The following NCAPD3 variants were observed in gnomAD, a reference collection of about 807,000 sequenced individuals.
NCAPD3 encodes the protein non-SMC condensin II complex subunit D3.
A neutral mutation model predicts 182.9 loss-of-function variants in NCAPD3; 105 were observed. The ratio of observed to expected loss-of-function variants is 0.57; its 90% CI spans 0.49 to 0.68. The LOEUF (loss-of-function observed/expected upper bound fraction) is 0.68, where lower values mean the gene tolerates loss of function less well. NCAPD3 is among the 30% of genes least tolerant of loss of function. The pLI is 0.00. For synonymous variants in NCAPD3, 815 were observed against 679.9 expected, an observed-to-expected ratio of 1.20 and a Z score of -3.09; for missense variants, 1,944 against 1,837.0, an observed-to-expected ratio of 1.06 and a Z score of -1.07.
chr11:134,166,486 TGGG>T (rs374326112), intron 27 of NCAPD3, among the ~76,000 whole-genome samples: 20 of 2,988 alleles, frequency 6.7e-3, no homozygotes, highest in East Asian at 0.017. Flanking sequence ...GAGATGAGCT[TGGG>T]GGAGGGGCAC....
chr11:134,178,940 C>T lies in NCAPD3; in HGVS notation c.2560-4G>A. The T allele has an allele frequency of 1.2e-6, 2 of 1,600,884 alleles. No homozygotes were observed. Among genetic ancestry groups the T allele is most frequent in the Non-Finnish European group, 8.6e-7 (1 of 1,168,290 alleles). On this transcript the variant is annotated splice_polypyrimidine_tract_variant and splice_region_variant and intron_variant, in intron 20 of 34. Transcript: ENST00000534548. ...CTAAGGTAAAAATGTACTTCACCTA[C>T]AAAGATAATTGGTTTTACAGTAAAA...
intron 27 of NCAPD3, among the ~76,000 whole-genome samples, chr11:134,165,027 T>A (rs1002636539): frequency 4.0e-5 from 6 of 149,850 alleles, no homozygotes; most frequent in Admixed American, 3.3e-4. Flanking sequence ...ACTTGTGAGA[T>A]GAGCTTAGAG....
At chr11:134,167,922 C>A in intron 27 of NCAPD3, 74 bp downstream of exon 27, 2 of 1,393,896 alleles carry the variant, frequency 1.4e-6, no homozygotes, top group South Asian at 2.5e-5. Flanking sequence ...GGGAGGTGCA[C>A]ACTCGTGAGA....
intron 29 of NCAPD3, among the ~76,000 whole-genome samples, chr11:134,159,680 C>G (rs1054209100): frequency 6.6e-6 from 1 of 152,256 alleles, no homozygotes; most frequent in South Asian, 2.1e-4. Context: ...TCGCTTCCTG[C>G]ACCACGTCCT....
rs754641836 is a variant in NCAPD3, at chr11:134,168,210, G to C, written c.3374-15C>G. The C allele has an allele frequency of 4.3e-6, 7 of 1,611,052 alleles. No individual in the cohort carries two copies. In the South Asian group the frequency reaches 7.7e-5, roughly 18 times the overall value. On this transcript the variant is annotated splice_polypyrimidine_tract_variant and intron_variant, in intron 26 of 34. Transcript: ENST00000534548. ...AGCAAAGCACGCTGAGAGACAGAGA[G>C]AGAGAAAAACGTGAGCTTCTGAGAA...
chr11:134,181,784 A>G (rs1202885103), intron 19 of NCAPD3, among the ~76,000 whole-genome samples: 1 of 152,178 alleles, frequency 6.6e-6, no homozygotes, highest in Non-Finnish European at 1.5e-5. Flanking sequence ...AACCATTCCA[A>G]AACACCTAGG....
chr11:134,154,835 C>T (rs1482658368), intron 32 of NCAPD3, among the ~76,000 whole-genome samples: 1 of 152,242 alleles, frequency 6.6e-6, no homozygotes, highest in Non-Finnish European at 1.5e-5. Flanking sequence ...CATCAGCGCA[C>T]TGCAGCTGTG....
At chr11:134,185,163 G>A (rs953012941) in intron 17 of NCAPD3, among the ~76,000 whole-genome samples, 163 bp from the exon 18 acceptor site, 5 of 152,196 alleles carry the variant, frequency 3.3e-5, no homozygotes, top group Non-Finnish European at 2.9e-5. Context: ...CTTGGACAAA[G>A]GGGAAATGGG....
intron 16 of NCAPD3, among the ~76,000 whole-genome samples, chr11:134,190,412 T>C (rs1241280931): frequency 6.6e-6 from 1 of 152,246 alleles, no homozygotes; most frequent in African/African-American, 2.4e-5. Flanking sequence ...GATTTATCTA[T>C]GTGTTTATCG....
rs78418489 is a variant in NCAPD3 at position 134,172,226 on chromosome 11, C to T, written c.3102-3172G>A. ...CCAGTTTTGCTCTCCATTCCAAATC[C>T]CCGCAGGACTCCCCATGCAGATGAG... On this transcript the variant is annotated intron_variant, in intron 24 of 34. Transcript: ENST00000534548. Among the ~76,000 whole-genome samples, 1,225 of 152,268 alleles carry T rather than the reference C, an allele frequency of 8.0e-3. 14 individuals are homozygous for T. The highest frequency in any genetic ancestry group is 0.029 in the African/African-American group (1,187 of 41,526).
chr11:134,223,401 G>T, intron 1 of NCAPD3: 2 of 702,292 alleles, frequency 2.8e-6, no homozygotes, highest in Non-Finnish European at 5.2e-6. Context: ...TGGCTTGGAT[G>T]GTGCCATTAG....
At chr11:134,219,967 T>A (rs1938167553) in intron 2 of NCAPD3, among the ~76,000 whole-genome samples, 1 of 152,066 alleles carries the variant, frequency 6.6e-6, no homozygotes, top group African/African-American at 2.4e-5. Flanking sequence ...GGCTAATTTT[T>A]GTATTTTTAG....
chr11:134,158,146 G>GT, intron 30 of NCAPD3, 79 bp from the exon 31 acceptor site: 2 of 1,551,164 alleles, frequency 1.3e-6, no homozygotes. Flanking sequence ...GTGTCCCCGC[G>GT]TGCCTCCTCA....
intron 24 of NCAPD3, among the ~76,000 whole-genome samples, chr11:134,172,186 T>C (rs1408470640): frequency 2.6e-5 from 4 of 152,192 alleles, no homozygotes; most frequent in Non-Finnish European, 4.4e-5. Context: ...TCTTGCGCTC[T>C]CTGCTACCTG....
At chr11:134,193,568 C>G (rs534240531) in intron 15 of NCAPD3, among the ~76,000 whole-genome samples, 1 of 152,304 alleles carries the variant, frequency 6.6e-6, no homozygotes, top group South Asian at 2.1e-4. Flanking sequence ...GCCTGGCCAA[C>G]ATAGTGAAAC....
intron 15 of NCAPD3, 39 bp downstream of exon 15, chr11:134,193,977 A>G: frequency 6.4e-7 from 1 of 1,571,620 alleles, no homozygotes; most frequent in Non-Finnish European, 8.7e-7. Context: ...TTTTAATGTA[A>G]AATACCATGC....
At chr11:134,216,309 A>G (rs1297044869) in intron 3 of NCAPD3, among the ~76,000 whole-genome samples, 1 of 152,230 alleles carries the variant, frequency 6.6e-6, no homozygotes, top group Admixed American at 6.5e-5. Flanking sequence ...TGATCTTGCC[A>G]TTCTCTTTTC....
Position 134,210,280 on chromosome 11 carries a change from T to A in NCAPD3, c.557A>T (p.Glu186Val). The A allele has an allele frequency of 6.2e-7, 1 of 1,612,428 alleles. No homozygotes were observed. The highest frequency in any genetic ancestry group is 1.1e-5 in the South Asian group (1 of 90,892). ...HRKRGKPPRR[E>V]DIEMDEIIEE... ...CAACTTACTTCTTACCTCAATATCT[T>A]CTCTCCTGGGTGGCTTTCCCCTTTT... The change falls in exon 4 of 35, where the codon GAA becomes GTA. Residue 186 changes from glutamate (E) to valine (V), a missense_variant. By Grantham distance (121) the Glu-to-Val change is moderately radical. This residue lies in a region of NCAPD3 where 1,803 missense variants were observed against 1,674.6 expected (regional missense o/e 1.08). Transcript: ENST00000534548.
intron 24 of NCAPD3, among the ~76,000 whole-genome samples, chr11:134,175,084 T>A (rs1244885233): frequency 1.3e-5 from 2 of 152,206 alleles, no homozygotes; most frequent in Admixed American, 1.3e-4. Flanking sequence ...GTAAAGTATA[T>A]CTATGCTCTT....
Sources: allele counts gnomAD v4.1 joint callset (sites outside exome capture counted in the v4.1 genomes callset), GRCh38; gene constraint gnomAD v4.1.1; regional missense constraint gnomAD v4.1.1; transcripts MANE v1.5; gene names NCBI Gene and HGNC (gene_info 2026-07-23, HGNC 2026-07-21).